The following TAOK3 variants were observed in gnomAD, a reference collection of about 807,000 sequenced individuals.
TAOK3 encodes the protein serine/threonine-protein kinase TAO3.
A neutral mutation model predicts 120.4 loss-of-function variants in TAOK3; 40 were observed. The observed-to-expected ratio is 0.33, with a 90% CI of 0.26 to 0.43. The LOEUF is 0.43. TAOK3 is among the 20% of genes least tolerant of loss of function. The pLI, the probability that TAOK3 is intolerant of heterozygous loss-of-function variation, is 1.00. For missense variants in TAOK3, 821 were observed against 1,112.1 expected, an observed-to-expected ratio of 0.74 and a Z score of 3.72; for synonymous variants, 355 against 387.5, an observed-to-expected ratio of 0.92 and a Z score of 0.99.
intron 1 of TAOK3, among the ~76,000 whole-genome samples, chr12:118,285,831 A>G (rs1478658980): frequency 6.6e-6 from 1 of 152,124 alleles, no homozygotes; most frequent in East Asian, 1.9e-4. Context: ...TTGGTTTTGT[A>G]CATTCTAGGG....
At position 118,246,495 on chromosome 12, in the gene TAOK3, G is replaced by A. The variant is rs548047453; in HGVS notation, c.121-1530C>T. 3.4e-5 allele frequency: 53 copies of A among 1,559,172 alleles called. 1 individual carries two copies. In the East Asian group the frequency reaches 3.6e-4, roughly 11 times the overall value. On this transcript the variant is annotated intron_variant, in intron 3 of 20. Coordinates refer to ENST00000392533, the MANE Select transcript of TAOK3 (RefSeq NM_016281.4). ...TATCGGGGACTACAATGGCCACGTC[G>A]GTCTGGGTGTTAAGTGCTCCAAGGA...
chr12:118,174,163 A>G (rs912045425), intron 16 of TAOK3, among the ~76,000 whole-genome samples: 3 of 152,206 alleles, frequency 2.0e-5, no homozygotes, highest in African/African-American at 7.2e-5. Context: ...TTTCTGGACC[A>G]TCTATCATTC....
chr12:118,339,230 A>G (rs976772106), intron 1 of TAOK3, among the ~76,000 whole-genome samples: 1 of 151,914 alleles, frequency 6.6e-6, no homozygotes, highest in Admixed American at 6.6e-5. Flanking sequence ...TGAGAAACCA[A>G]CACAAGAGTT....
intron 1 of TAOK3, among the ~76,000 whole-genome samples, chr12:118,282,113 C>T (rs536928351): frequency 4.6e-5 from 7 of 152,342 alleles, no homozygotes; most frequent in African/African-American, 1.7e-4. Flanking sequence ...ACAAACCACT[C>T]ACTCTTTCAA....
intron 1 of TAOK3, among the ~76,000 whole-genome samples, chr12:118,317,265 CAAA>C (rs970730677): frequency 4.7e-5 from 3 of 63,624 alleles, no homozygotes; most frequent in Admixed American, 2.2e-4. Context: ...AAGTTTGTCT[CAAA>C]AAAAAAAAAA....
At chr12:118,277,884 A>C (rs534141169) in intron 1 of TAOK3, among the ~76,000 whole-genome samples, 1 of 152,326 alleles carries the variant, frequency 6.6e-6, no homozygotes, top group South Asian at 2.1e-4. Context: ...ACTTGAAAAC[A>C]CTAGGGAATA....
intron 1 of TAOK3, among the ~76,000 whole-genome samples, chr12:118,276,683 C>T (rs758499302): frequency 4.6e-5 from 7 of 151,988 alleles, no homozygotes; most frequent in Non-Finnish European, 1.0e-4. Context: ...GCCTGGGCAA[C>T]ACAGCGAGAC....
At chr12:118,357,923 C>A (rs983624829) in intron 1 of TAOK3, among the ~76,000 whole-genome samples, 28 of 152,258 alleles carry the variant, frequency 1.8e-4, no homozygotes, top group Admixed American at 1.4e-3. Context: ...AATAGCGCCC[C>A]CATTAGTAAT....
In TAOK3 at chr12:118,286,932, C is replaced by T. The variant is rs192670731; in HGVS notation, c.-193-20173G>A. 6.6e-5 allele frequency among the ~76,000 whole-genome samples: 10 copies of T among 152,286 alleles called. No individual in the cohort carries two copies. The East Asian group carries it at 1.9e-3, about 29-fold the overall frequency. ...GGCATTTGCAGTGACCTGGATGAGA[C>T]TGGAGACTGCTATTCTAAGTGAAGT... On this transcript the variant is annotated intron_variant, in intron 1 of 20. Transcript: ENST00000392533.
At position 118,217,737 on chromosome 12, in the gene TAOK3, TAGAC is replaced by T. The variant is rs569960160; in HGVS notation, c.644-3631_644-3628del. Reference sequence around the variant, plus strand: ...AAATATAGTAGTCTCTCTCTATATATAGACAGTTAATTTTATGTATATATATGTA... The same window carrying T: ...AAATATAGTAGTCTCTCTCTATATATAGTTAATTTTATGTATATATATGTA... On this transcript the variant is annotated intron_variant, in intron 9 of 20. Transcript: ENST00000392533. Among the ~76,000 whole-genome samples the T allele has an allele frequency of 3.4e-3, 501 of 147,386 alleles. 3 individuals carry two copies. The highest frequency in any genetic ancestry group is 0.014 in the Middle Eastern group (4 of 282).
chr12:118,221,348 T>C (rs1383521520), intron 9 of TAOK3, among the ~76,000 whole-genome samples: 1 of 152,086 alleles, frequency 6.6e-6, no homozygotes, highest in East Asian at 1.9e-4. Context: ...CTCAGCCTCC[T>C]GAGTAGCTGG....
At chr12:118,168,080 C>T (rs997267599) in intron 17 of TAOK3, among the ~76,000 whole-genome samples, 7 of 152,022 alleles carry the variant, frequency 4.6e-5, no homozygotes, top group African/African-American at 1.7e-4. Context: ...TATAATATAG[C>T]TGTACATATG....
At chr12:118,323,249 T>C (rs2043798203) in intron 1 of TAOK3, among the ~76,000 whole-genome samples, 1 of 152,110 alleles carries the variant, frequency 6.6e-6, no homozygotes, top group Admixed American at 6.6e-5. Flanking sequence ...AATAGAAAGA[T>C]CAATGAAACA....
Position 118,277,204 on chromosome 12 carries a change from C to G in TAOK3, c.-193-10445G>C, listed in dbSNP as rs2041933257. Among the ~76,000 whole-genome samples the G allele has an allele frequency of 3.3e-5, 5 of 152,306 alleles. No individual in the cohort carries two copies. The South Asian group carries it at 1.0e-3, about 32-fold the overall frequency. On this transcript the variant is annotated intron_variant, in intron 1 of 20. Transcript: ENST00000392533. ...TTATTCAGTATGGAATGCTCATTCACCATTAGACCACGTTTCTCTACCTGT... is the reference window on the plus strand; with the variant it reads ...TTATTCAGTATGGAATGCTCATTCAGCATTAGACCACGTTTCTCTACCTGT...
At chr12:118,246,927 G>A (rs990344165) in intron 3 of TAOK3, 4 of 1,237,304 alleles carry the variant, frequency 3.2e-6, no homozygotes, top group African/African-American at 3.0e-5. Flanking sequence ...CAGAGTCTCC[G>A]TGCAGCGGAC....
chr12:118,268,707 A>G (rs2041564437), intron 1 of TAOK3, among the ~76,000 whole-genome samples: 1 of 152,196 alleles, frequency 6.6e-6, no homozygotes. Context: ...TAGTTGCTAA[A>G]TTTCTAAGAA....
In TAOK3 at chr12:118,232,790, A is replaced by C. The variant is rs2139830012; in HGVS notation, c.643+884T>G. On this transcript the variant is annotated intron_variant, in intron 9 of 20. Coordinates refer to ENST00000392533, the MANE Select transcript of TAOK3 (RefSeq NM_016281.4). ...CTTGGTGGCAGGTGCCTATAATCCC[A>C]GGCACTCAGGAGGCTAAAGGAGGAG... is the stretch of plus-strand genomic sequence containing the variant. 2.6e-5 allele frequency among the ~76,000 whole-genome samples: 4 copies of C among 152,246 alleles called. No individual in the cohort carries two copies. In the Middle Eastern group the frequency reaches 0.01, roughly 388 times the overall value.
chr12:118,213,390 G>A (rs927770584), intron 10 of TAOK3, among the ~76,000 whole-genome samples: 7 of 152,100 alleles, frequency 4.6e-5, no homozygotes, highest in African/African-American at 1.7e-4. Flanking sequence ...CTATAACAAA[G>A]TAGTAAAATT....
intron 19 of TAOK3, among the ~76,000 whole-genome samples, chr12:118,152,917 C>T (rs1285246715): frequency 6.6e-6 from 1 of 152,216 alleles, no homozygotes; most frequent in African/African-American, 2.4e-5. Flanking sequence ...ATTTCGGTTT[C>T]AACTGATCAT....
Sources: gnomAD v4.1 joint callset for allele counts (sites outside exome capture counted in the v4.1 genomes callset) on GRCh38, gnomAD v4.1.1 for gene constraint, MANE v1.5 for transcripts, NCBI Gene and HGNC (gene_info 2026-07-23, HGNC 2026-07-21) for gene names.